PAFAH1B2: variants seen among roughly 807,000 people sequenced by gnomAD.
PAFAH1B2 encodes the protein platelet activating factor acetylhydrolase 1b catalytic subunit 2.
Under a neutral mutation model 28.0 loss-of-function variants are expected in PAFAH1B2, and 8 were observed. The ratio of observed to expected loss-of-function variants is 0.29; its 90% CI spans 0.17 to 0.52. The LOEUF is 0.52. PAFAH1B2 is among the 20% of genes least tolerant of loss of function. The pLI is 0.97. For missense variants in PAFAH1B2, 190 were observed against 282.6 expected, an observed-to-expected ratio of 0.67 and a Z score of 2.35; for synonymous variants, 104 against 103.2, an observed-to-expected ratio of 1.01 and a Z score of -0.05.
At chr11:117,155,743 A>C (rs1162721640) in intron 2 of PAFAH1B2, among the ~76,000 whole-genome samples, 2 of 152,156 alleles carry the variant, frequency 1.3e-5, no homozygotes, top group East Asian at 3.8e-4. Context: ...AAAAGAGGCC[A>C]CTGGCAAGTC....
intron 1 of PAFAH1B2, among the ~76,000 whole-genome samples, chr11:117,149,593 AT>A (rs995721052): frequency 7.1e-4 from 100 of 141,266 alleles, no homozygotes; most frequent in Non-Finnish European, 7.1e-4. Flanking sequence ...CGCCCAGCTA[AT>A]TTTTTTTTTT....
downstream of PAFAH1B2, among the ~76,000 whole-genome samples, chr11:117,171,415 A>G (rs1036118976): frequency 2.0e-5 from 3 of 152,156 alleles, no homozygotes; most frequent in African/African-American, 4.8e-5. Flanking sequence ...TCACGCCTGT[A>G]ATCCCAGCTA....
downstream of PAFAH1B2, chr11:117,175,702 A>G: frequency 8.7e-7 from 1 of 1,153,288 alleles, no homozygotes; most frequent in Non-Finnish European, 1.2e-6. Flanking sequence ...CCACCTCCCA[A>G]GATGAATTAA....
rs552189292 is a variant in PAFAH1B2 at position 117,170,091 on chromosome 11, C to G, written c.*2392C>G. 1 of 1,055,414 alleles carries G rather than the reference C, an allele frequency of 9.5e-7. No homozygotes were observed. The highest frequency in any genetic ancestry group is 1.1e-6 in the Non-Finnish European group (1 of 873,292). The allele number at this position is 1,055,414 out of a possible 1,614,324, so 65.4% of individuals were successfully genotyped here. On this transcript the variant is annotated 3_prime_UTR_variant, in exon 6 of 6. Coordinates refer to ENST00000527958, the MANE Select transcript of PAFAH1B2 (RefSeq NM_002572.4). ...GATGTGCAGATATTGAGTTCACTTTCATTTTTTGCCAGATTTCTTTGCACT... is the reference window on the plus strand; with the variant it reads ...GATGTGCAGATATTGAGTTCACTTTGATTTTTTGCCAGATTTCTTTGCACT...
chr11:117,161,473 T>C (rs1370528602), intron 4 of PAFAH1B2, among the ~76,000 whole-genome samples: 1 of 151,952 alleles, frequency 6.6e-6, no homozygotes, highest in Non-Finnish European at 1.5e-5. Context: ...TGGGTTGTAT[T>C]TATAGTTGTT....
intron 2 of PAFAH1B2, among the ~76,000 whole-genome samples, chr11:117,156,869 A>G (rs181656354): frequency 6.6e-6 from 1 of 152,092 alleles, no homozygotes; most frequent in East Asian, 1.9e-4. Context: ...GCCAAAAATA[A>G]AAGCCGGATA....
chr11:117,144,349 C>G lies in PAFAH1B2; in HGVS notation c.-77C>G, dbSNP rs762109730. ...CGCGCCGGAGCGGGACCGACGGGAC[C>G]GAGCGAGCGACCGACGCGCCACCCG... On this transcript the variant is annotated 5_prime_UTR_variant, in exon 1 of 6. Coordinates refer to ENST00000527958, the MANE Select transcript of PAFAH1B2 (RefSeq NM_002572.4). 1.1e-4 allele frequency: 47 copies of G among 420,960 alleles called. No homozygotes were observed. The highest frequency in any genetic ancestry group is 7.0e-4 in the South Asian group (43 of 61,426). The allele number at this position is 420,960 out of a possible 1,614,324, so 26.1% of individuals were successfully genotyped here.
At chr11:117,144,942 T>C (rs1955962367) in intron 1 of PAFAH1B2, among the ~76,000 whole-genome samples, 1 of 152,242 alleles carries the variant, frequency 6.6e-6, no homozygotes, top group Admixed American at 6.5e-5. Context: ...GTTGTGTTTT[T>C]ACCGAGCACT....
chr11:117,155,228 TAC>T (rs140111909), intron 2 of PAFAH1B2, among the ~76,000 whole-genome samples: 6,630 of 152,294 alleles, frequency 0.044, 476 homozygotes, highest in African/African-American at 0.15. Flanking sequence ...ATGCTGGGAT[TAC>T]AGGCGTGAGC....
At chr11:117,167,240 C>T (rs1956531778) in intron 5 of PAFAH1B2, among the ~76,000 whole-genome samples, 181 bp from the exon 6 acceptor site, 1 of 152,086 alleles carries the variant, frequency 6.6e-6, no homozygotes, top group African/African-American at 2.4e-5. Context: ...AGGAAGGGAA[C>T]CCATGAAAAA....
In PAFAH1B2 at chr11:117,167,739, G is replaced by C; in HGVS notation, c.*40G>C. 1 of 1,473,004 alleles carries C rather than the reference G, an allele frequency of 6.8e-7. No homozygotes were observed. The allele number at this position is 1,473,004 out of a possible 1,614,324, so 91.2% of individuals were successfully genotyped here. A position where few individuals can be genotyped will look rare whatever the true frequency, so the allele number is the denominator to read the frequency against. On this transcript the variant is annotated 3_prime_UTR_variant, in exon 6 of 6. Transcript: ENST00000527958. Reference sequence around the variant, plus strand: ...TGTTAATAGCATCTCAGCTTCCTCAGATCAGTTCTATCACTGGCACTACAG... The same window carrying C: ...TGTTAATAGCATCTCAGCTTCCTCACATCAGTTCTATCACTGGCACTACAG...
At chr11:117,171,478 G>A (rs561323096), downstream of PAFAH1B2, 61 of 549,224 alleles carry the variant, frequency 1.1e-4, 2 homozygotes, top group South Asian at 5.8e-4. Flanking sequence ...GGAGGTTACC[G>A]TGAGACGAGA....
chr11:117,176,079 G>A, exon 6 of PAFAH1B2: 1 of 739,614 alleles, frequency 1.4e-6, no homozygotes, highest in Non-Finnish European at 2.3e-6. Flanking sequence ...AGATGTGCTG[G>A]AAACAGTACT....
At chr11:117,149,728 G>A (rs1002049348) in intron 1 of PAFAH1B2, among the ~76,000 whole-genome samples, 14 of 151,694 alleles carry the variant, frequency 9.2e-5, no homozygotes, top group East Asian at 3.9e-4. Flanking sequence ...CACCGTGCCC[G>A]GCCAAAAGTT....
In PAFAH1B2 at chr11:117,168,375, C is replaced by A. The variant is rs1251182312; in HGVS notation, c.*676C>A. 1.2e-5 allele frequency: 13 copies of A among 1,060,814 alleles called. No homozygotes were observed. In the South Asian group the frequency reaches 5.5e-4, roughly 45 times the overall value. 65.7% of individuals were successfully genotyped at this position (1,060,814 alleles called of 1,614,324 possible). A position where few individuals can be genotyped will look rare whatever the true frequency, so the allele number is the denominator to read the frequency against. On this transcript the variant is annotated 3_prime_UTR_variant, in exon 6 of 6. Coordinates refer to ENST00000527958, the MANE Select transcript of PAFAH1B2 (RefSeq NM_002572.4). ...TGCTGAATATCATGTCTATAATAGA[C>A]CCGTGCATGCAGCCTTTCCTCCTTA...
intron 5 of PAFAH1B2, among the ~76,000 whole-genome samples, chr11:117,165,594 T>C (rs1956488526): frequency 6.6e-6 from 1 of 152,152 alleles, no homozygotes; most frequent in Non-Finnish European, 1.5e-5. Flanking sequence ...CAACACAGAA[T>C]TATTATACTG....
rs934042599 is a variant in PAFAH1B2 at position 117,151,443 on chromosome 11, A to G, written c.-7-998A>G. 9.9e-5 allele frequency among the ~76,000 whole-genome samples: 15 copies of G among 152,106 alleles called. No individual in the cohort carries two copies. In the South Asian group the frequency reaches 2.7e-3, roughly 27 times the overall value. On this transcript the variant is annotated intron_variant, in intron 1 of 5. Coordinates refer to ENST00000527958, the MANE Select transcript of PAFAH1B2 (RefSeq NM_002572.4). ...ACGGGGTTTCACTATGTTGGCCAGG[A>G]TGGTCTCAATCTCCTGACCTTGTGA...
intron 5 of PAFAH1B2, 143 bp downstream of exon 5, chr11:117,164,035 A>G: frequency 1.3e-6 from 1 of 783,148 alleles, no homozygotes. Context: ...TCTTTAATGT[A>G]TTTTACTGTC....
At chr11:117,152,981 GC>G (rs200942899) in intron 2 of PAFAH1B2, among the ~76,000 whole-genome samples, 1,784 of 152,218 alleles carry the variant, frequency 0.012, 30 homozygotes, top group African/African-American at 0.038. Context: ...CAGGAGAATC[GC>G]TTGAACCCAG....
Sources: allele counts gnomAD v4.1 joint callset (sites outside exome capture counted in the v4.1 genomes callset), GRCh38; gene constraint gnomAD v4.1.1; transcripts MANE v1.5; gene names NCBI Gene and HGNC (gene_info 2026-07-23, HGNC 2026-07-21).